VTI1A: variants seen among roughly 807,000 people sequenced by gnomAD.
The protein encoded by VTI1A is vesicle transport through interaction with t-SNAREs homolog 1A.
A neutral mutation model predicts 34.9 loss-of-function variants in VTI1A; 22 were observed. The observed-to-expected ratio is 0.63, with a 90% CI of 0.45 to 0.90. VTI1A has a LOEUF of 0.90. Ranked by LOEUF, VTI1A falls within the 40% of genes least tolerant of loss-of-function variation. The probability of loss-of-function intolerance (pLI) is 0.00; values close to 1 mark genes in which losing one functional copy is unlikely to be tolerated. For synonymous variants in VTI1A, 87 were observed against 97.3 expected (o/e 0.89, Z 0.62); for missense variants, 268 against 275.6 (o/e 0.97, Z 0.20).
At chr10:112,717,033 C>T (rs1023633101) in intron 7 of VTI1A, among the ~76,000 whole-genome samples, 1 of 152,152 alleles carries the variant, frequency 6.6e-6, no homozygotes, top group African/African-American at 2.4e-5. Context: ...GCTATGTAAA[C>T]GCAGCTTCGT....
intron 7 of VTI1A, among the ~76,000 whole-genome samples, chr10:112,703,012 T>C (rs1849066112): frequency 6.6e-6 from 1 of 152,200 alleles, no homozygotes; most frequent in South Asian, 2.1e-4. Context: ...AGTGATCTGA[T>C]TTTTTTAATC....
chr10:112,665,177 A>G (rs975072322), intron 5 of VTI1A, among the ~76,000 whole-genome samples: 5 of 152,214 alleles, frequency 3.3e-5, no homozygotes, highest in African/African-American at 1.2e-4. Context: ...AAATAAACCT[A>G]ACGATGTTTC....
At chr10:112,694,037 T>A (rs1046893243) in intron 7 of VTI1A, among the ~76,000 whole-genome samples, 2 of 152,100 alleles carry the variant, frequency 1.3e-5, no homozygotes, top group Non-Finnish European at 2.9e-5. Context: ...TGAAACCCTG[T>A]CTCTACTAAA....
intron 3 of VTI1A, among the ~76,000 whole-genome samples, chr10:112,509,009 G>A (rs1217203757): frequency 2.6e-5 from 4 of 152,218 alleles, no homozygotes; most frequent in Admixed American, 6.5e-5. Context: ...TTAGTCAGGA[G>A]AGGTTGGGTC....
chr10:112,447,893 A>G (rs1846980230), intron 1 of VTI1A, among the ~76,000 whole-genome samples: 1 of 152,154 alleles, frequency 6.6e-6, no homozygotes, highest in South Asian at 2.1e-4. Context: ...GGCAAAATAG[A>G]GGTAAGAATC....
At chr10:112,842,050 CCTTTTTTTTTTTTTTTT>C in the VTI1A span, among the ~76,000 whole-genome samples, 1 of 93,166 alleles carries the variant, frequency 1.1e-5, no homozygotes, top group Non-Finnish European at 2.1e-5. Flanking sequence ...TTTTTTTTTT[CCTTTTTTTTTTTTTTTT>C]TTTTTTTTTT....
chr10:112,501,691 C>T (rs373272184), intron 3 of VTI1A, among the ~76,000 whole-genome samples: 13 of 108,582 alleles, frequency 1.2e-4, no homozygotes, highest in Non-Finnish European at 2.0e-4. Flanking sequence ...AAATCTAAAA[C>T]TTTTACACTA....
At chr10:112,821,450 G>T (rs1273379142), downstream of VTI1A, among the ~76,000 whole-genome samples, 1 of 152,140 alleles carries the variant, frequency 6.6e-6, no homozygotes, top group Admixed American at 6.5e-5. Flanking sequence ...CACTTATTTT[G>T]CCAGGGTAAG....
chr10:112,793,581 G>A (rs1380095966), intron 7 of VTI1A, among the ~76,000 whole-genome samples: 6 of 152,184 alleles, frequency 3.9e-5, no homozygotes, highest in African/African-American at 1.4e-4. Flanking sequence ...TTTGTCTTGT[G>A]GAACATGTAT....
At chr10:112,594,845 A>T (rs897793932) in intron 5 of VTI1A, among the ~76,000 whole-genome samples, 1 of 152,084 alleles carries the variant, frequency 6.6e-6, no homozygotes, top group Non-Finnish European at 1.5e-5. Context: ...AAGAACCCGC[A>T]TCGCCAAGTC....
At chr10:112,452,636 C>A (rs1235310938) in intron 1 of VTI1A, among the ~76,000 whole-genome samples, 2 of 150,106 alleles carry the variant, frequency 1.3e-5, no homozygotes, top group Non-Finnish European at 3.0e-5. Flanking sequence ...TTCATATAAA[C>A]AATTGTGTGT....
chr10:112,474,393 A>G (rs184208705), intron 3 of VTI1A, among the ~76,000 whole-genome samples: 1 of 150,558 alleles, frequency 6.6e-6, no homozygotes, highest in Admixed American at 6.6e-5. Context: ...CTATTTATAT[A>G]TTATGTGCAT....
chr10:112,460,624 C>G (rs565630866), intron 2 of VTI1A, 42 bp downstream of exon 2: 2 of 1,499,294 alleles, frequency 1.3e-6, no homozygotes, highest in Non-Finnish European at 1.8e-6. Context: ...CAGCCAGAGC[C>G]GTTTAAGCTA....
chr10:112,830,849 A>ATATATATATATATATATTTTTTTTTTTT, the VTI1A span, among the ~76,000 whole-genome samples: 1 of 33,512 alleles, frequency 3.0e-5, no homozygotes, highest in African/African-American at 1.4e-4. Flanking sequence ...ATATATATAT[A>ATATATATATATATATATTTTTTTTTTTT]TTTTTTTTTT....
intron 7 of VTI1A, among the ~76,000 whole-genome samples, chr10:112,792,647 G>A (rs1288998719): frequency 3.3e-5 from 5 of 152,150 alleles, no homozygotes; most frequent in Non-Finnish European, 4.4e-5. Flanking sequence ...CATAAAAACC[G>A]AGTCAAGATA....
intron 3 of VTI1A, among the ~76,000 whole-genome samples, chr10:112,496,441 C>A (rs747966630): frequency 1.3e-5 from 2 of 151,758 alleles, no homozygotes; most frequent in African/African-American, 2.4e-5. Context: ...CGTGGTGATG[C>A]GCACCTGTAG....
the VTI1A span, among the ~76,000 whole-genome samples, chr10:112,833,940 G>A: frequency 3.1e-4 from 47 of 152,302 alleles, no homozygotes; most frequent in Middle Eastern, 3.4e-3. Flanking sequence ...GCTCAGGACC[G>A]TGAGCCAATG....
intron 5 of VTI1A, among the ~76,000 whole-genome samples, chr10:112,586,289 T>A (rs1030115331): frequency 9.9e-5 from 15 of 152,192 alleles, no homozygotes; most frequent in African/African-American, 3.1e-4. Context: ...TTTTGTATTA[T>A]CCGTGTAAAC....
At chr10:112,546,088 G>A (rs985127332) in intron 5 of VTI1A, among the ~76,000 whole-genome samples, 3 of 150,074 alleles carry the variant, frequency 2.0e-5, no homozygotes, top group African/African-American at 7.4e-5. Flanking sequence ...GTGTATACGC[G>A]TATGTGTGTA....
Sources: gnomAD v4.1 joint callset for allele counts (sites outside exome capture counted in the v4.1 genomes callset) on GRCh38, gnomAD v4.1.1 for gene constraint, MANE v1.5 for transcripts, NCBI Gene and HGNC (gene_info 2026-07-23, HGNC 2026-07-21) for gene names.